The following CHD7 variants were observed in gnomAD, a reference collection of about 807,000 sequenced individuals.
CHD7 encodes chromodomain helicase DNA binding protein 7.
In CHD7, 24 loss-of-function variants were observed where a neutral mutation model predicts 307.3. The ratio of observed to expected loss-of-function variants is 0.08; its 90% CI spans 0.06 to 0.11. The LOEUF is 0.11. CHD7 is among the 10% of genes least tolerant of loss of function. The pLI, the probability that CHD7 is intolerant of heterozygous loss-of-function variation, is 1.00. For missense variants in CHD7, 3,106 were observed against 3,727.1 expected (o/e 0.83, Z 4.34); for synonymous variants, 1,363 against 1,349.9 (o/e 1.01, Z -0.21).
intron 25 of CHD7, 103 bp from the exon 26 acceptor site, chr8:60,850,390 G>A (rs1805399244): frequency 1.5e-5 from 21 of 1,398,172 alleles, no homozygotes; most frequent in Non-Finnish European, 1.9e-5. Context: ...TGCTAACCTT[G>A]ACTGAAAAAC....
intron 1 of CHD7, among the ~76,000 whole-genome samples, chr8:60,726,693 G>C (rs62524942): frequency 0.031 from 4,744 of 152,292 alleles, 163 homozygotes; most frequent in African/African-American, 0.079. Context: ...TTATAGTTCA[G>C]AATCAGTCTC....
At chr8:60,785,167 A>G (rs1811437570) in intron 3 of CHD7, among the ~76,000 whole-genome samples, 1 of 152,014 alleles carries the variant, frequency 6.6e-6, no homozygotes, top group South Asian at 2.1e-4. Context: ...CCTTTGAATG[A>G]CTCTTGAAGG....
intron 1 of CHD7, among the ~76,000 whole-genome samples, chr8:60,701,291 A>T (rs1563527304): frequency 6.6e-6 from 1 of 152,256 alleles, no homozygotes; most frequent in African/African-American, 2.4e-5. Context: ...TCAGATCACC[A>T]GTCTTTTCAG....
At chr8:60,837,601 T>C in intron 17 of CHD7, 67 bp from the exon 18 acceptor site, 1 of 1,343,000 alleles carries the variant, frequency 7.4e-7, no homozygotes, top group Non-Finnish European at 1.0e-6. Context: ...TTTCAGCATA[T>C]GAATTTGGTG....
intron 23 of CHD7, among the ~76,000 whole-genome samples, chr8:60,846,598 A>C (rs569629119): frequency 2.0e-5 from 3 of 152,258 alleles, no homozygotes; most frequent in Non-Finnish European, 4.4e-5. Context: ...TGGTGAGTCC[A>C]GTAGACCTCG....
intron 4 of CHD7, among the ~76,000 whole-genome samples, chr8:60,799,595 C>G (rs895292041): frequency 6.6e-6 from 1 of 152,110 alleles, no homozygotes; most frequent in African/African-American, 2.4e-5. Flanking sequence ...CCTGAAATAT[C>G]TGGGGCACCT....
chr8:60,836,559 C>G (rs963361639), intron 16 of CHD7, among the ~76,000 whole-genome samples: 18 of 152,178 alleles, frequency 1.2e-4, no homozygotes, highest in Admixed American at 1.1e-3. Flanking sequence ...TATTTGTTAT[C>G]TTACTGTTAT....
intron 6 of CHD7, 47 bp from the exon 7 acceptor site, chr8:60,808,170 C>T (rs748770712): frequency 2.4e-6 from 3 of 1,272,508 alleles, no homozygotes; most frequent in Non-Finnish European, 3.4e-6. Flanking sequence ...TTAAAATATT[C>T]TAGTAGATGG....
At chr8:60,762,645 A>G (rs191735999) in intron 2 of CHD7, among the ~76,000 whole-genome samples, 28 of 152,282 alleles carry the variant, frequency 1.8e-4, no homozygotes, top group Non-Finnish European at 1.5e-5. Flanking sequence ...ACTGCTATCG[A>G]TGCCACATTA....
At chr8:60,744,816 C>T (rs1809241646) in intron 2 of CHD7, among the ~76,000 whole-genome samples, 1 of 150,612 alleles carries the variant, frequency 6.6e-6, no homozygotes, top group Non-Finnish European at 1.5e-5. Flanking sequence ...GATTGTGCCA[C>T]TTCACTCCAG....
chr8:60,866,145 G>T lies in CHD7; in HGVS notation c.*212G>T. The T allele has an allele frequency of 2.4e-6, 1 of 418,688 alleles. No individual in the cohort carries two copies. The allele number at this position is 418,688 out of a possible 1,614,324, so 25.9% of individuals were successfully genotyped here. ...TGCATTATTTATTATCCCTAGGAGA[G>T]ATGAAATTTGAGAGGTGATCATGTC... On this transcript the variant is annotated 3_prime_UTR_variant, in exon 38 of 38. Coordinates refer to ENST00000423902, the MANE Select transcript of CHD7 (RefSeq NM_017780.4).
At chr8:60,828,545 A>G (rs936978160) in intron 13 of CHD7, 118 bp from the exon 14 acceptor site, 17 of 915,964 alleles carry the variant, frequency 1.9e-5, no homozygotes, top group Non-Finnish European at 2.6e-5. Flanking sequence ...CCTGATTCCT[A>G]TACTTTGCAT....
intron 11 of CHD7, 75 bp downstream of exon 11, chr8:60,822,220 AAAG>A (rs1205774570): frequency 1.4e-5 from 19 of 1,344,686 alleles, no homozygotes; most frequent in Non-Finnish European, 1.9e-5. Flanking sequence ...AAATAATAAA[AAAG>A]AACTTAATGT....
chr8:60,701,652 A>G (rs1307754840), intron 1 of CHD7, among the ~76,000 whole-genome samples: 6 of 152,212 alleles, frequency 3.9e-5, no homozygotes, highest in African/African-American at 1.2e-4. Context: ...TTATCAGACA[A>G]TTACAATTTT....
chr8:60,718,191 T>G (rs1807710929), intron 1 of CHD7, among the ~76,000 whole-genome samples: 1 of 152,088 alleles, frequency 6.6e-6, no homozygotes, highest in Non-Finnish European at 1.5e-5. Flanking sequence ...ACAAGAAAGT[T>G]TGAAGTTGGT....
chr8:60,838,373 C>A, intron 19 of CHD7, 118 bp downstream of exon 19: 2 of 908,662 alleles, frequency 2.2e-6, no homozygotes, highest in Non-Finnish European at 3.4e-6. Flanking sequence ...TAATCATTAA[C>A]TCCCTGTGGA....
chr8:60,795,209 C>A (rs1811962453), intron 4 of CHD7, 82 bp downstream of exon 4: 2 of 1,300,242 alleles, frequency 1.5e-6, no homozygotes, highest in South Asian at 1.4e-5. Context: ...CAAGACCTCC[C>A]CTATCTTGTT....
At position 60,781,146 on chromosome 8, in the gene CHD7, C is replaced by A. The variant is rs764607908; in HGVS notation, c.1812C>A (p.Asn604Lys). ...PQQKKKKKKN[N>K]HIVAEDPSKG... ...AAAAGAAGAAGAAAAAGAAAAACAA[C>A]CACATTGTAGCAGAGGATCCCAGTA... The change falls in exon 3 of 38, where the codon AAC (asparagine) becomes AAA (lysine). Residue 604 changes from asparagine (N) to lysine (K), a missense_variant. Transcript: ENST00000423902. 20 of 1,609,070 alleles carry A rather than the reference C, an allele frequency of 1.2e-5. No individual in the cohort carries two copies. The highest frequency in any genetic ancestry group is 1.6e-5 in the Non-Finnish European group (19 of 1,177,718).
intron 5 of CHD7, 103 bp downstream of exon 5, chr8:60,800,628 A>T: frequency 8.7e-7 from 1 of 1,155,298 alleles, no homozygotes; most frequent in Non-Finnish European, 1.2e-6. Flanking sequence ...GACTTTCAGC[A>T]GGGGAACATC....
Sources: allele counts gnomAD v4.1 joint callset (sites outside exome capture counted in the v4.1 genomes callset), GRCh38; gene constraint gnomAD v4.1.1; transcripts MANE v1.5; gene names NCBI Gene and HGNC (gene_info 2026-07-23, HGNC 2026-07-21).